Variants in SUPT3H observed in about 807,000 individuals in gnomAD.
SUPT3H encodes SPT3 homolog, SAGA and STAGA complex component.
In SUPT3H, 44 loss-of-function variants were observed where a neutral mutation model predicts 44.3. The ratio of observed to expected loss-of-function variants is 0.99; its 90% confidence interval spans 0.78 to 1.28. SUPT3H has a LOEUF of 1.28. Among genes scored for constraint, SUPT3H ranks in the 50% most tolerant of loss-of-function variants. The pLI is 0.00. For missense variants in SUPT3H, 380 were observed against 387.1 expected, an observed-to-expected ratio of 0.98 and a Z score of 0.15; for synonymous variants, 124 against 125.6, an observed-to-expected ratio of 0.99 and a Z score of 0.09.
intron 3 of SUPT3H, among the ~76,000 whole-genome samples, chr6:45,058,134 T>G (rs945074190): frequency 1.3e-5 from 2 of 152,084 alleles, no homozygotes; most frequent in African/African-American, 4.8e-5. Flanking sequence ...GAAAACAGAT[T>G]CCATTTTAAA....
chr6:44,985,501 A>G (rs1363280628), intron 6 of SUPT3H, among the ~76,000 whole-genome samples: 31 of 152,148 alleles, frequency 2.0e-4, no homozygotes, highest in Non-Finnish European at 5.9e-5. Flanking sequence ...ATCTTCCCAT[A>G]GAAACACTGT....
intron 10 of SUPT3H, among the ~76,000 whole-genome samples, chr6:44,920,888 T>C (rs1768602526): frequency 1.3e-5 from 2 of 152,326 alleles, no homozygotes; most frequent in Middle Eastern, 3.4e-3. Context: ...TGTGTGCTTG[T>C]ATTGTCTTTT....
chr6:45,240,938 C>T (rs904790694), intron 2 of SUPT3H, among the ~76,000 whole-genome samples: 3 of 152,160 alleles, frequency 2.0e-5, no homozygotes, highest in Admixed American at 6.6e-5. Flanking sequence ...ATATTTAAAG[C>T]ATCCCAGGCA....
chr6:45,349,911 A>G (rs1791669366), intron 2 of SUPT3H, among the ~76,000 whole-genome samples: 1 of 152,234 alleles, frequency 6.6e-6, no homozygotes. Context: ...TTGCTTCAGA[A>G]AAGCTAATTT....
chr6:45,290,740 T>C (rs1780184344), intron 2 of SUPT3H, among the ~76,000 whole-genome samples: 2 of 152,174 alleles, frequency 1.3e-5, no homozygotes, highest in Admixed American at 1.3e-4. Flanking sequence ...TTGTTTGTAG[T>C]GTCACATGAT....
intron 2 of SUPT3H, among the ~76,000 whole-genome samples, chr6:45,128,307 C>A (rs1485644535): frequency 1.3e-5 from 2 of 151,092 alleles, no homozygotes; most frequent in African/African-American, 2.4e-5. Context: ...GAGATTGAGA[C>A]CATCCTGGCC....
At chr6:45,318,345 T>G (rs1389328335) in intron 2 of SUPT3H, among the ~76,000 whole-genome samples, 2 of 152,216 alleles carry the variant, frequency 1.3e-5, no homozygotes, top group African/African-American at 4.8e-5. Context: ...AGACAGGACA[T>G]TATACATTTG....
At chr6:45,292,337 T>G (rs1780444060) in intron 2 of SUPT3H, among the ~76,000 whole-genome samples, 1 of 151,970 alleles carries the variant, frequency 6.6e-6, no homozygotes, top group African/African-American at 2.4e-5. Flanking sequence ...TAGAACCACT[T>G]TAAAGCATAA....
Position 45,304,253 on chromosome 6 carries a change from T to G in SUPT3H, c.101+60948A>C, listed in dbSNP as rs539721169. ...TATATTAAAAGACATTTAAAACTGC[T>G]TTATACAGGAAAATATTACAGATAA... is the stretch of plus-strand genomic sequence containing the variant. On this transcript the variant is annotated intron_variant, in intron 2 of 10. Transcript: ENST00000371459. 1.8e-3 allele frequency among the ~76,000 whole-genome samples: 280 copies of G among 152,296 alleles called. 1 individual carries two copies. The highest frequency in any genetic ancestry group is 6.2e-3 in the African/African-American group (259 of 41,564).
chr6:45,026,421 T>C (rs1189327725), intron 3 of SUPT3H, among the ~76,000 whole-genome samples: 1 of 6,744 alleles, frequency 1.5e-4, no homozygotes, highest in Non-Finnish European at 2.1e-4. Context: ...TCAATGACTT[T>C]AATTACTAGT....
chr6:45,289,172 A>C (rs1779901034), intron 2 of SUPT3H, among the ~76,000 whole-genome samples: 1 of 152,096 alleles, frequency 6.6e-6, no homozygotes, highest in Non-Finnish European at 1.5e-5. Context: ...TATTTTCTTC[A>C]AGTATTTTTT....
chr6:45,301,327 A>G (rs1397462466), intron 2 of SUPT3H, among the ~76,000 whole-genome samples: 2 of 152,234 alleles, frequency 1.3e-5, no homozygotes, highest in African/African-American at 2.4e-5. Flanking sequence ...TCTTTACCTT[A>G]TAACTCATGC....
chr6:44,827,055 A>G lies in SUPT3H; in HGVS notation c.*2761T>C, dbSNP rs147216526. The stretch of plus-strand genomic sequence containing the variant: ...TTTAGGTGAAGGGAGAAATATTTCT[A>G]CTTTCTTTACCCTTAAATCTAGGAA... On this transcript the variant is annotated 3_prime_UTR_variant, in exon 11 of 11. Transcript: ENST00000371459. 2.1e-3 allele frequency among the ~76,000 whole-genome samples: 323 copies of G among 152,298 alleles called. 1 individual carries two copies. Among genetic ancestry groups the G allele is most frequent in the African/African-American group, 7.5e-3 (311 of 41,590 alleles).
At position 45,050,278 on chromosome 6, in the gene SUPT3H, A is replaced by AGTGTGTGTGTGTGTGTGTGTGT. The variant is rs57510967; in HGVS notation, c.187-29668_187-29647dup. Among the ~76,000 whole-genome samples the AGTGTGTGTGTGTGTGTGTGTGT allele has an allele frequency of 5.8e-4, 85 of 147,416 alleles. 1 individual carries two copies. The highest frequency in any genetic ancestry group is 8.8e-4 in the South Asian group (4 of 4,544). On this transcript the variant is annotated intron_variant, in intron 3 of 10. Transcript: ENST00000371459. ...GTTTAGCAAACACTGCTTTTTCTGCAGTGTGTGTGTGTGTGTGTGTGTGTG... is the reference window on the plus strand; with the variant it reads ...GTTTAGCAAACACTGCTTTTTCTGCAGTGTGTGTGTGTGTGTGTGTGTGTGTGTGTGTGTGTGTGTGTGTGTG...
At chr6:44,842,459 T>C (rs566604867) in intron 10 of SUPT3H, among the ~76,000 whole-genome samples, 1 of 152,172 alleles carries the variant, frequency 6.6e-6, no homozygotes, top group South Asian at 2.1e-4. Context: ...CAAAAACAGG[T>C]AAGTGGTATC....
intron 2 of SUPT3H, among the ~76,000 whole-genome samples, chr6:45,150,761 C>T (rs1208875175): frequency 2.5e-5 from 3 of 120,870 alleles, no homozygotes; most frequent in African/African-American, 6.6e-5. Context: ...CTCACTCTGT[C>T]GCCCAGGCTG....
At chr6:45,220,840 A>G (rs980206503) in intron 2 of SUPT3H, among the ~76,000 whole-genome samples, 2 of 152,190 alleles carry the variant, frequency 1.3e-5, no homozygotes, top group African/African-American at 4.8e-5. Context: ...CTAGAACTGG[A>G]AATACCATTT....
At chr6:45,162,472 C>T (rs891929248) in intron 2 of SUPT3H, among the ~76,000 whole-genome samples, 15 of 152,076 alleles carry the variant, frequency 9.9e-5, no homozygotes, top group African/African-American at 3.6e-4. Context: ...TCCAGTGAGC[C>T]AAGATCATGC....
chr6:45,195,246 G>T (rs930048492), intron 2 of SUPT3H, among the ~76,000 whole-genome samples: 1 of 152,106 alleles, frequency 6.6e-6, no homozygotes, highest in African/African-American at 2.4e-5. Context: ...ACAGGAAATT[G>T]TGTTTGTTAT....
Sources: allele counts gnomAD v4.1 joint callset (sites outside exome capture counted in the v4.1 genomes callset), GRCh38; gene constraint gnomAD v4.1.1; transcripts MANE v1.5; gene names NCBI Gene and HGNC (gene_info 2026-07-23, HGNC 2026-07-21).